The following TGFBR3 variants were observed in gnomAD, a reference collection of about 807,000 sequenced individuals.
TGFBR3 encodes transforming growth factor beta receptor 3, also known as transforming growth factor beta receptor type 3.
A neutral mutation model predicts 87.9 loss-of-function variants in TGFBR3; 46 were observed. The ratio of observed to expected loss-of-function variants is 0.52; its 90% confidence interval spans 0.41 to 0.67. The LOEUF is 0.67. Among genes scored for constraint, TGFBR3 ranks in the 30% least tolerant of loss-of-function variants. The probability of loss-of-function intolerance (pLI) is 0.00; values close to 1 mark genes in which losing one functional copy is unlikely to be tolerated. For synonymous variants in TGFBR3, 381 were observed against 391.6 expected, an observed-to-expected ratio of 0.97 and a Z score of 0.32; for missense variants, 866 against 1,041.9, an observed-to-expected ratio of 0.83 and a Z score of 2.32.
At chr1:91,717,210 G>A (rs1672205725) in intron 10 of TGFBR3, among the ~76,000 whole-genome samples, 1 of 151,738 alleles carries the variant, frequency 6.6e-6, no homozygotes, top group African/African-American at 2.4e-5. Context: ...AGGACCTAAT[G>A]TTTGGTTATA....
chr1:91,833,174 T>G (rs1403281129), intron 2 of TGFBR3, among the ~76,000 whole-genome samples: 3 of 151,014 alleles, frequency 2.0e-5, no homozygotes, highest in Non-Finnish European at 4.4e-5. Context: ...CGGGAGCCTG[T>G]AATCCCAGCT....
chr1:91,747,380 C>A (rs1323779907), intron 4 of TGFBR3, among the ~76,000 whole-genome samples: 4 of 152,206 alleles, frequency 2.6e-5, no homozygotes, highest in Admixed American at 2.0e-4. Context: ...GGGCTCCCAC[C>A]CTTCACTGCT....
chr1:91,813,707 C>G (rs1676104903), intron 2 of TGFBR3, among the ~76,000 whole-genome samples: 1 of 152,176 alleles, frequency 6.6e-6, no homozygotes, highest in Non-Finnish European at 1.5e-5. Flanking sequence ...GAAAGCACCA[C>G]CTCACAAAGA....
intron 2 of TGFBR3, among the ~76,000 whole-genome samples, chr1:91,807,106 A>G (rs1675862828): frequency 6.6e-6 from 1 of 152,254 alleles, no homozygotes; most frequent in Non-Finnish European, 1.5e-5. Flanking sequence ...TGTTTGTACC[A>G]TCTCAAATTA....
chr1:91,823,203 G>T (rs1676515333), intron 2 of TGFBR3, among the ~76,000 whole-genome samples: 1 of 152,104 alleles, frequency 6.6e-6, no homozygotes, highest in Admixed American at 6.5e-5. Flanking sequence ...AGGCTTCCTA[G>T]GGCAGGTGAT....
intron 2 of TGFBR3, among the ~76,000 whole-genome samples, chr1:91,895,573 T>G (rs370107492): frequency 9.0e-4 from 136 of 151,954 alleles, no homozygotes; most frequent in African/African-American, 3.2e-3. Context: ...CCTCCCATCT[T>G]GGCCTCCCAA....
intron 2 of TGFBR3, among the ~76,000 whole-genome samples, chr1:91,803,048 T>C (rs572182916): frequency 3.5e-4 from 54 of 152,314 alleles, no homozygotes; most frequent in South Asian, 6.2e-4. Flanking sequence ...AAAACCCAAG[T>C]CTGATCCTGC....
upstream of TGFBR3, chr1:91,886,333 C>T (rs903254411): frequency 6.6e-5 from 24 of 366,394 alleles, no homozygotes; most frequent in African/African-American, 5.1e-4. Context: ...CTCTCTCCTC[C>T]CCCTTTGCCT....
At chr1:91,854,803 C>A (rs1316243467) in intron 2 of TGFBR3, among the ~76,000 whole-genome samples, 1 of 152,152 alleles carries the variant, frequency 6.6e-6, no homozygotes, top group African/African-American at 2.4e-5. Flanking sequence ...TCTGCAAAAG[C>A]ATGTCTAAGT....
intron 4 of TGFBR3, among the ~76,000 whole-genome samples, chr1:91,744,018 C>T (rs1462744541): frequency 6.6e-6 from 1 of 151,770 alleles, no homozygotes; most frequent in African/African-American, 2.4e-5. Context: ...TGACTGATTA[C>T]AAGTTTAAGT....
chr1:91,847,913 C>T (rs1677567854), intron 2 of TGFBR3, among the ~76,000 whole-genome samples: 1 of 152,096 alleles, frequency 6.6e-6, no homozygotes, highest in African/African-American at 2.4e-5. Context: ...AAAAGAGGCA[C>T]ATAAAAGGAA....
chr1:91,823,826 G>A (rs1023282297), intron 2 of TGFBR3, among the ~76,000 whole-genome samples: 1 of 152,196 alleles, frequency 6.6e-6, no homozygotes, highest in Non-Finnish European at 1.5e-5. Flanking sequence ...TCATCAAAAT[G>A]TACCTTTAAA....
rs1427063991 is a variant in TGFBR3, at chr1:91,682,694, TA to T, written c.*1044del. On this transcript the variant is annotated 3_prime_UTR_variant, in exon 17 of 17. Transcript: ENST00000212355. ...ACAGTTTGGTTTTTATGAAAGGGCCTATTTTTTTTTAAGTTGACATATTTTG... is the reference window on the plus strand; with the variant it reads ...ACAGTTTGGTTTTTATGAAAGGGCCTTTTTTTTTTAAGTTGACATATTTTG... 6.6e-6 allele frequency: 3 copies of T among 453,850 alleles called. No individual in the cohort carries two copies. Among genetic ancestry groups the T allele is most frequent in the African/African-American group, 6.0e-5 (3 of 49,942 alleles). 28.1% of individuals were successfully genotyped at this position (453,850 alleles called of 1,614,324 possible).
intron 4 of TGFBR3, among the ~76,000 whole-genome samples, chr1:91,737,455 C>T (rs1298606907): frequency 6.6e-6 from 1 of 152,126 alleles, no homozygotes; most frequent in African/African-American, 2.4e-5. Flanking sequence ...GTCTAATGGC[C>T]TACCCAAGGC....
chr1:91,747,474 G>A (rs1411243289), intron 4 of TGFBR3, among the ~76,000 whole-genome samples: 1 of 152,224 alleles, frequency 6.6e-6, no homozygotes, highest in South Asian at 2.1e-4. Flanking sequence ...GGTCAGAGTG[G>A]AGAGGAACGG....
At chr1:91,797,617 C>T (rs924649534) in intron 2 of TGFBR3, 146 bp from the exon 3 acceptor site, 90 of 806,874 alleles carry the variant, frequency 1.1e-4, no homozygotes, top group Non-Finnish European at 1.6e-4. Flanking sequence ...AAAAGCTAGC[C>T]TATCTTCTAA....
chr1:91,806,147 T>C (rs989030220), intron 2 of TGFBR3, among the ~76,000 whole-genome samples: 2 of 152,226 alleles, frequency 1.3e-5, no homozygotes, highest in African/African-American at 4.8e-5. Flanking sequence ...CCCTCCTCCA[T>C]CCTTTTCACT....
At chr1:91,754,179 G>T (rs891116357) in intron 4 of TGFBR3, among the ~76,000 whole-genome samples, 1 of 151,868 alleles carries the variant, frequency 6.6e-6, no homozygotes, top group African/African-American at 2.4e-5. Flanking sequence ...TTAAATTGTA[G>T]TATGTCCTTA....
intron 3 of TGFBR3, 100 bp downstream of exon 3, chr1:91,797,187 T>C: frequency 7.8e-7 from 1 of 1,277,862 alleles, no homozygotes; most frequent in Non-Finnish European, 1.1e-6. Flanking sequence ...TACATGAGCT[T>C]CTTTTGTTGA....
Sources: allele counts gnomAD v4.1 joint callset (sites outside exome capture counted in the v4.1 genomes callset), GRCh38; gene constraint gnomAD v4.1.1; transcripts MANE v1.5; gene names NCBI Gene and HGNC (gene_info 2026-07-23, HGNC 2026-07-21).